Variants in EYS observed in about 807,000 individuals in gnomAD.
EYS encodes protein eyes shut homolog.
In EYS, 250 loss-of-function variants were observed where a neutral mutation model predicts 282.1. That is an observed-to-expected ratio of 0.89 (90% confidence interval 0.80 to 0.98). The LOEUF is 0.98. Among genes scored for constraint, EYS ranks in the 50% least tolerant of loss-of-function variants. EYS has a pLI of 0.00. For missense variants in EYS, 4,016 were observed against 3,709.0 expected (o/e 1.08, Z -2.15); for synonymous variants, 1,355 against 1,282.9 (o/e 1.06, Z -1.20).
chr6:64,863,257 T>A (rs767634819), intron 19 of EYS, among the ~76,000 whole-genome samples: 4 of 152,186 alleles, frequency 2.6e-5, no homozygotes, highest in African/African-American at 4.8e-5. Flanking sequence ...TATTATATTT[T>A]CATTATCAAG....
At chr6:65,437,381 C>T (rs1768114760) in intron 5 of EYS, among the ~76,000 whole-genome samples, 1 of 151,942 alleles carries the variant, frequency 6.6e-6, no homozygotes, top group Non-Finnish European at 1.5e-5. Context: ...AACATTAACT[C>T]TTAGATGATA....
At chr6:64,990,626 G>A (rs903372903) in intron 14 of EYS, among the ~76,000 whole-genome samples, 5 of 151,558 alleles carry the variant, frequency 3.3e-5, no homozygotes, top group African/African-American at 9.7e-5. Context: ...ACTTTTGTTA[G>A]AAAATCTGAA....
intron 8 of EYS, among the ~76,000 whole-genome samples, chr6:65,367,504 CTA>C (rs1450103318): frequency 6.6e-6 from 1 of 151,432 alleles, no homozygotes; most frequent in East Asian, 1.9e-4. Context: ...TTTAAAATGT[CTA>C]TATGTTTCCT....
intron 8 of EYS, among the ~76,000 whole-genome samples, chr6:65,367,077 T>C (rs1415604895): frequency 1.3e-5 from 2 of 151,630 alleles, no homozygotes; most frequent in African/African-American, 2.4e-5. Flanking sequence ...CCATAGGTTA[T>C]GGGGATTAGG....
At chr6:64,697,011 A>G (rs1190548238) in intron 22 of EYS, among the ~76,000 whole-genome samples, 1 of 152,200 alleles carries the variant, frequency 6.6e-6, no homozygotes, top group African/African-American at 2.4e-5. Flanking sequence ...CAGACTCAAC[A>G]AAGCAACTAA....
chr6:64,061,989 A>G (rs1208717633), intron 33 of EYS, among the ~76,000 whole-genome samples: 3 of 151,800 alleles, frequency 2.0e-5, no homozygotes, highest in Non-Finnish European at 2.9e-5. Flanking sequence ...GTTTTTAGCC[A>G]TCATGCTATT....
chr6:64,408,769 C>T (rs1486673555), intron 28 of EYS, among the ~76,000 whole-genome samples: 1 of 152,050 alleles, frequency 6.6e-6, no homozygotes, highest in African/African-American at 2.4e-5. Flanking sequence ...TTTTTTCTTC[C>T]AACTTGTATT....
chr6:64,212,332 A>C (rs916445933), intron 31 of EYS, among the ~76,000 whole-genome samples: 1 of 152,070 alleles, frequency 6.6e-6, no homozygotes, highest in Non-Finnish European at 1.5e-5. Context: ...TAATTAACAT[A>C]AATACAAATA....
intron 26 of EYS, among the ~76,000 whole-genome samples, chr6:64,486,027 A>G (rs1405371059): frequency 6.6e-6 from 1 of 151,526 alleles, no homozygotes; most frequent in African/African-American, 2.4e-5. Flanking sequence ...GCTATTTAAA[A>G]AGTATTGTTT....
chr6:64,094,493 T>C (rs1772506046), intron 31 of EYS, among the ~76,000 whole-genome samples: 3 of 152,198 alleles, frequency 2.0e-5, no homozygotes, highest in Non-Finnish European at 2.9e-5. Context: ...GGAGGGTGTA[T>C]GTGTCGAGGA....
intron 12 of EYS, among the ~76,000 whole-genome samples, chr6:65,114,582 T>C (rs1038891747): frequency 6.6e-6 from 1 of 151,814 alleles, no homozygotes; most frequent in Non-Finnish European, 1.5e-5. Context: ...GTGGAAAAAA[T>C]CTATTCTATT....
chr6:65,000,821 A>G (rs1771438885), intron 13 of EYS, among the ~76,000 whole-genome samples: 1 of 152,206 alleles, frequency 6.6e-6, no homozygotes, highest in African/African-American at 2.4e-5. Flanking sequence ...ACAACCGTAT[A>G]ATGGTGTTCA....
intron 31 of EYS, among the ~76,000 whole-genome samples, chr6:64,121,408 G>T (rs1773585062): frequency 2.0e-5 from 3 of 151,960 alleles, no homozygotes; most frequent in Admixed American, 2.0e-4. Flanking sequence ...AGAAGATTAG[G>T]ACTTAGAAAG....
chr6:64,700,213 A>G (rs1373669991), intron 22 of EYS, among the ~76,000 whole-genome samples: 2 of 152,040 alleles, frequency 1.3e-5, no homozygotes, highest in Admixed American at 1.3e-4. Context: ...TCAACAAACC[A>G]GACATCAAAA....
chr6:65,107,839 T>C (rs9688481), intron 12 of EYS, among the ~76,000 whole-genome samples: 72,601 of 151,632 alleles, frequency 0.48, 18,074 homozygotes, highest in African/African-American at 0.57. Context: ...CTAGATATTA[T>C]GATTTACATC....
At chr6:65,248,746 T>C (rs1250275314) in intron 12 of EYS, among the ~76,000 whole-genome samples, 1 of 151,970 alleles carries the variant, frequency 6.6e-6, no homozygotes, top group Non-Finnish European at 1.5e-5. Flanking sequence ...AAAAATAGAT[T>C]TGTTGTGCAT....
At chr6:64,912,261 C>T (rs1169581983) in intron 16 of EYS, among the ~76,000 whole-genome samples, 1 of 151,990 alleles carries the variant, frequency 6.6e-6, no homozygotes, top group Non-Finnish European at 1.5e-5. Flanking sequence ...TATAAAGCTT[C>T]ACTCTTTTCC....
chr6:64,544,381 G>A (rs1475324035), intron 26 of EYS, among the ~76,000 whole-genome samples: 3 of 152,130 alleles, frequency 2.0e-5, no homozygotes, highest in African/African-American at 7.2e-5. Flanking sequence ...AGAAGGAGCT[G>A]AGGACCAGTC....
chr6:65,292,044 T>G lies in EYS; in HGVS notation c.2023+3819A>C, dbSNP rs1160030549. Among the ~76,000 whole-genome samples, 6 of 151,594 alleles carry G rather than the reference T, an allele frequency of 4.0e-5. No homozygotes were observed. The South Asian group carries it at 1.2e-3, about 31-fold the overall frequency. ...GATAAGTGATACCAACAAAAAAACA[T>G]AGTGAATTTAAGGCACAACCCCGGT... On this transcript the variant is annotated intron_variant, in intron 12 of 42. Coordinates refer to ENST00000503581, the MANE Select transcript of EYS (RefSeq NM_001142800.2).
Sources: gnomAD v4.1 joint callset for allele counts (sites outside exome capture counted in the v4.1 genomes callset) on GRCh38, gnomAD v4.1.1 for gene constraint, MANE v1.5 for transcripts, NCBI Gene and HGNC (gene_info 2026-07-23, HGNC 2026-07-21) for gene names.